Variants in ZMYND8 observed in about 807,000 individuals in gnomAD.
ZMYND8 encodes the protein MYND-type zinc finger-containing chromatin reader ZMYND8.
Under a neutral mutation model 140.8 loss-of-function variants are expected in ZMYND8, and 37 were observed. The ratio of observed to expected loss-of-function variants is 0.26; its 90% CI spans 0.20 to 0.35. The LOEUF (loss-of-function observed/expected upper bound fraction) is 0.35. ZMYND8 is among the 10% of genes least tolerant of loss of function. The pLI is 1.00. For missense variants in ZMYND8, 1,068 were observed against 1,570.0 expected (o/e 0.68, Z 5.40); for synonymous variants, 592 against 597.1 (o/e 0.99, Z 0.12).
At chr20:47,276,213 C>CGATT in intron 11 of ZMYND8, 101 bp downstream of exon 11, 2 of 1,408,164 alleles carry the variant, frequency 1.4e-6, no homozygotes, top group Non-Finnish European at 1.9e-6. Flanking sequence ...CAGTTCCCCA[C>CGATT]GATTGCTTGA....
intron 9 of ZMYND8, among the ~76,000 whole-genome samples, chr20:47,283,129 G>A (rs2076711220): frequency 6.6e-6 from 1 of 152,122 alleles, no homozygotes; most frequent in African/African-American, 2.4e-5. Context: ...CAGATCCACA[G>A]GGAAACTAGG....
intron 2 of ZMYND8, among the ~76,000 whole-genome samples, chr20:47,313,350 C>T (rs1040105679): frequency 3.3e-5 from 5 of 151,898 alleles, no homozygotes; most frequent in Admixed American, 2.0e-4. Context: ...AGGCCGGGCG[C>T]AGTGGCTCAC....
chr20:47,280,710 T>A (rs2076553876), intron 10 of ZMYND8, among the ~76,000 whole-genome samples: 1 of 152,178 alleles, frequency 6.6e-6, no homozygotes, highest in Non-Finnish European at 1.5e-5. Context: ...ATGGTTCACA[T>A]TTGTCATGCT....
At chr20:47,332,938 T>C (rs2081071112) in intron 2 of ZMYND8, among the ~76,000 whole-genome samples, 1 of 152,060 alleles carries the variant, frequency 6.6e-6, no homozygotes, top group Non-Finnish European at 1.5e-5. Flanking sequence ...ATAAACAAAG[T>C]GTAGCATATC....
intron 2 of ZMYND8, among the ~76,000 whole-genome samples, chr20:47,334,112 T>G (rs1477035713): frequency 1.3e-5 from 2 of 152,190 alleles, no homozygotes; most frequent in African/African-American, 4.8e-5. Context: ...GACTCTCTCA[T>G]GTAATTTATG....
intron 11 of ZMYND8, among the ~76,000 whole-genome samples, chr20:47,271,471 G>A (rs1001700866): frequency 6.6e-6 from 1 of 152,176 alleles, no homozygotes; most frequent in African/African-American, 2.4e-5. Context: ...AAAAGCACAC[G>A]ATGTGTAACA....
chr20:47,214,282 G>A (rs912048761), intron 21 of ZMYND8, among the ~76,000 whole-genome samples: 1 of 152,200 alleles, frequency 6.6e-6, no homozygotes, highest in African/African-American at 2.4e-5. Flanking sequence ...AACTGCTTTG[G>A]TGAGAAAATC....
intron 2 of ZMYND8, among the ~76,000 whole-genome samples, chr20:47,339,840 T>C (rs2081695212): frequency 6.6e-6 from 1 of 152,208 alleles, no homozygotes; most frequent in African/African-American, 2.4e-5. Context: ...CATAACCTTC[T>C]ATCTTTATCA....
rs1281951707 is a variant in ZMYND8, at chr20:47,224,698, T to C, written c.3017-142A>G. The C allele has an allele frequency of 2.1e-6, 3 of 1,422,404 alleles. No individual in the cohort carries two copies. The East Asian group carries it at 7.1e-5, about 34-fold the overall frequency. The allele number at this position is 1,422,404 out of a possible 1,614,324, so 88.1% of individuals were successfully genotyped here. Reference sequence around the variant, plus strand: ...GGCTGTGTGCCCATGGGCAATAACCTAGCCCGAGTCTTCATCTGTAAATAG... The same window carrying C: ...GGCTGTGTGCCCATGGGCAATAACCCAGCCCGAGTCTTCATCTGTAAATAG... On this transcript the variant is annotated intron_variant, in intron 18 of 22. Transcript: ENST00000471951.
At chr20:47,222,384 A>G (rs2037102431) in intron 19 of ZMYND8, among the ~76,000 whole-genome samples, 1 of 152,166 alleles carries the variant, frequency 6.6e-6, no homozygotes, top group Non-Finnish European at 1.5e-5. Flanking sequence ...AAAACACAAA[A>G]AATTAGCCAG....
At position 47,220,343 on chromosome 20, in the gene ZMYND8, A is replaced by G; in HGVS notation, c.3418-19T>C. On this transcript the variant is annotated intron_variant, in intron 20 of 22. Transcript: ENST00000471951. ...CAAGGGTCTAGAAATACAAAAAGAA[A>G]AAGATGGACTCAAGGCACTGAGGCT... The G allele has an allele frequency of 6.5e-7, 1 of 1,548,758 alleles. No individual in the cohort carries two copies. The highest frequency in any genetic ancestry group is 8.7e-7 in the Non-Finnish European group (1 of 1,143,952).
intron 2 of ZMYND8, among the ~76,000 whole-genome samples, chr20:47,310,837 C>G (rs1223951526): frequency 1.3e-5 from 2 of 150,938 alleles, no homozygotes; most frequent in Middle Eastern, 3.5e-3. Flanking sequence ...CCCTATAGCA[C>G]CAGATACAGC....
At chr20:47,316,571 T>C (rs529694085) in intron 2 of ZMYND8, among the ~76,000 whole-genome samples, 29 of 151,898 alleles carry the variant, frequency 1.9e-4, no homozygotes, top group Non-Finnish European at 2.9e-4. Flanking sequence ...GGCAGGCAGA[T>C]TGCCTGAGGT....
At chr20:47,229,379 A>C (rs1175552516) in intron 17 of ZMYND8, among the ~76,000 whole-genome samples, 2 of 152,162 alleles carry the variant, frequency 1.3e-5, no homozygotes, top group South Asian at 2.1e-4. Flanking sequence ...GAACAAGAAG[A>C]AGCACTTGTA....
In ZMYND8 at chr20:47,210,904, G is replaced by A. The variant is rs1290194141; in HGVS notation, c.3569-7C>T. The A allele has an allele frequency of 1.2e-5, 19 of 1,612,946 alleles. No individual in the cohort carries two copies. Among genetic ancestry groups the A allele is most frequent in the Non-Finnish European group, 1.6e-5 (19 of 1,178,996 alleles). ...TTATTACTCCGGGAATGGTCTGAGG[G>A]GGAAAACCAATGTGTTTAGCGTGCC... On this transcript the variant is annotated splice_region_variant and splice_polypyrimidine_tract_variant and intron_variant, in intron 22 of 22. Coordinates refer to ENST00000471951, the MANE Select transcript of ZMYND8 (RefSeq NM_001281775.3).
chr20:47,300,163 G>A (rs1411842425), intron 3 of ZMYND8, among the ~76,000 whole-genome samples: 1 of 152,112 alleles, frequency 6.6e-6, no homozygotes, highest in Non-Finnish European at 1.5e-5. Flanking sequence ...TAATGAAAAT[G>A]TCTATCAGAA....
chr20:47,331,242 A>G (rs2080913966), intron 2 of ZMYND8, among the ~76,000 whole-genome samples: 1 of 152,238 alleles, frequency 6.6e-6, no homozygotes, highest in Non-Finnish European at 1.5e-5. Flanking sequence ...GTTCCTTTCA[A>G]AAGACTGGGA....
chr20:47,345,898 T>A (rs1479800710), intron 2 of ZMYND8, among the ~76,000 whole-genome samples: 1 of 151,876 alleles, frequency 6.6e-6, no homozygotes, highest in Non-Finnish European at 1.5e-5. Flanking sequence ...CCTCAACTGA[T>A]CCTCCCACTT....
In ZMYND8 at chr20:47,210,634, G is replaced by T; in HGVS notation, c.*127C>A. ...AGCAGCCCCCGCGCCGGGGGCTCAG[G>T]CTCAACTGAGGGTTTTGTCATTTTC... is the stretch of plus-strand genomic sequence containing the variant. On this transcript the variant is annotated 3_prime_UTR_variant, in exon 23 of 23. Transcript: ENST00000471951. 1 of 1,532,780 alleles carries T rather than the reference G, an allele frequency of 6.5e-7. No individual in the cohort carries two copies. Among genetic ancestry groups the T allele is most frequent in the Non-Finnish European group, 9.0e-7 (1 of 1,111,070 alleles). The allele number at this position is 1,532,780 out of a possible 1,614,324, so 94.9% of individuals were successfully genotyped here.
Sources: gnomAD v4.1 joint callset for allele counts (sites outside exome capture counted in the v4.1 genomes callset) on GRCh38, gnomAD v4.1.1 for gene constraint, MANE v1.5 for transcripts, NCBI Gene and HGNC (gene_info 2026-07-23, HGNC 2026-07-21) for gene names.